COLEC11: variants seen among roughly 807,000 people sequenced by gnomAD.
The protein encoded by COLEC11 is collectin-11.
In COLEC11, 20 loss-of-function variants were observed where a neutral mutation model predicts 27.3. The observed-to-expected ratio is 0.73, with a 90% CI of 0.51 to 1.06. The LOEUF (loss-of-function observed/expected upper bound fraction) is 1.06, where lower values mean the gene tolerates loss of function less well. Among genes scored for constraint, COLEC11 ranks in the 50% least tolerant of loss-of-function variants. The probability of loss-of-function intolerance (pLI) is 0.00; values close to 1 mark genes in which losing one functional copy is unlikely to be tolerated. For synonymous variants in COLEC11, 163 were observed against 154.7 expected, an observed-to-expected ratio of 1.05 and a Z score of -0.40; for missense variants, 310 against 383.0, an observed-to-expected ratio of 0.81 and a Z score of 1.59.
chr2:3,613,168 C>T (rs1663361779), intron 2 of COLEC11, 143 bp from the exon 3 acceptor site: 6 of 836,616 alleles, frequency 7.2e-6, no homozygotes, highest in South Asian at 1.4e-5. Context: ...GGGCTGCAGG[C>T]GGGGAGGGAG....
chr2:3,618,816 A>T (rs1038851224), intron 3 of COLEC11, among the ~76,000 whole-genome samples: 1 of 152,138 alleles, frequency 6.6e-6, no homozygotes, highest in African/African-American at 2.4e-5. Flanking sequence ...CCACGAACAG[A>T]TATTTTTTCC....
intron 3 of COLEC11, among the ~76,000 whole-genome samples, chr2:3,628,032 A>C (rs962831345): frequency 6.6e-6 from 1 of 152,190 alleles, no homozygotes; most frequent in East Asian, 1.9e-4. Flanking sequence ...CAGCCTTCAC[A>C]GGGCGTTGCT....
rs565076370 is a variant in COLEC11, at chr2:3,644,016, C to T, written c.714C>T (p.Asp238=). The change falls in exon 7 of 7, where the codon GAC becomes GAT. Residue 238 remains aspartate (D), a synonymous_variant. Coordinates refer to ENST00000349077, the MANE Select transcript of COLEC11 (RefSeq NM_024027.5). ...GCGGTGAGCCCAACAATGCCTACGA[C>T]GAGGAGGACTGCGTGGAGATGGTGG... ...WRSGEPNNAY[D]EEDCVEMVAS... is the part of the protein sequence containing the mutation. 21 of 1,614,014 alleles carry T rather than the reference C, an allele frequency of 1.3e-5. No homozygotes were observed. The highest frequency in any genetic ancestry group is 8.8e-5 in the South Asian group (8 of 91,090).
intron 4 of COLEC11, among the ~76,000 whole-genome samples, chr2:3,638,167 G>T (rs1038069625): frequency 6.6e-6 from 1 of 152,228 alleles, no homozygotes; most frequent in Non-Finnish European, 1.5e-5. Context: ...GTGGTAAGGC[G>T]GGCAGATCAG....
intron 3 of COLEC11, among the ~76,000 whole-genome samples, chr2:3,614,454 C>T (rs187882358): frequency 1.4e-4 from 22 of 152,228 alleles, no homozygotes; most frequent in African/African-American, 4.8e-4. Flanking sequence ...TATGGTCATT[C>T]TCATTTTGAG....
chr2:3,636,894 A>G (rs1282422632), intron 3 of COLEC11, among the ~76,000 whole-genome samples: 1 of 152,000 alleles, frequency 6.6e-6, no homozygotes, highest in African/African-American at 2.4e-5. Flanking sequence ...AGGGTGGGGG[A>G]CACACACCAC....
In COLEC11 at chr2:3,643,432, T is replaced by A; in HGVS notation, c.329-12T>A. 1 of 1,608,928 alleles carries A rather than the reference T, an allele frequency of 6.2e-7. No individual in the cohort carries two copies. The highest frequency in any genetic ancestry group is 8.5e-7 in the Non-Finnish European group (1 of 1,175,772). Reference sequence around the variant, plus strand: ...ATCCAGCGTTTGTAACGCGTGGGCCTGGCCCCCGCAGGCCTCCCATGTGAG... The same window carrying A: ...ATCCAGCGTTTGTAACGCGTGGGCCAGGCCCCCGCAGGCCTCCCATGTGAG... On this transcript the variant is annotated splice_polypyrimidine_tract_variant and intron_variant, in intron 5 of 6. Transcript: ENST00000349077.
chr2:3,642,854 C>T (rs368784184), intron 5 of COLEC11, among the ~76,000 whole-genome samples: 168 of 152,304 alleles, frequency 1.1e-3, no homozygotes, highest in African/African-American at 4.0e-3. Flanking sequence ...GCTCTGTCCT[C>T]CCTCCCTGAG....
chr2:3,632,454 G>A (rs1046168411), intron 3 of COLEC11, among the ~76,000 whole-genome samples: 16 of 152,172 alleles, frequency 1.1e-4, no homozygotes, highest in African/African-American at 2.7e-4. Flanking sequence ...GCTGCTGTCC[G>A]GGGCTTACAG....
At chr2:3,637,131 A>G (rs115635813) in intron 3 of COLEC11, among the ~76,000 whole-genome samples, 3,837 of 152,226 alleles carry the variant, frequency 0.025, 99 homozygotes, top group African/African-American at 0.063. Context: ...CCATGCTTAC[A>G]GAGTTGTGGG....
At chr2:3,607,056 AAC>A (rs1477572269) in intron 2 of COLEC11, among the ~76,000 whole-genome samples, 1 of 152,174 alleles carries the variant, frequency 6.6e-6, no homozygotes, top group Non-Finnish European at 1.5e-5. Context: ...TGGTCTGAGA[AAC>A]ACAGCACGCG....
intron 2 of COLEC11, among the ~76,000 whole-genome samples, chr2:3,608,420 C>G (rs1483969494): frequency 2.0e-5 from 3 of 152,162 alleles, no homozygotes; most frequent in Non-Finnish European, 4.4e-5. Flanking sequence ...TTACAAAATG[C>G]ATGGAGTGTT....
rs1469267415 is a variant in COLEC11 at position 3,640,999 on chromosome 2, TGTAGACCCCACGGTGGACACCCAC to T, written c.328+669_328+692del. Among the ~76,000 whole-genome samples, 62 of 91,240 alleles carry T rather than the reference TGTAGACCCCACGGTGGACACCCAC, an allele frequency of 6.8e-4. 2 individuals carry two copies. Among genetic ancestry groups the T allele is most frequent in the African/African-American group, 2.5e-3 (55 of 22,008 alleles). 59.9% of individuals were successfully genotyped at this position (91,240 alleles called of 152,430 possible). A position where few individuals can be genotyped will look rare whatever the true frequency, so the allele number is the denominator to read the frequency against. On this transcript the variant is annotated intron_variant, in intron 5 of 6. Coordinates refer to ENST00000349077, the MANE Select transcript of COLEC11 (RefSeq NM_024027.5). Reference sequence around the variant, plus strand: ...CCCCACGGTGGACACCCACCCACCATGTAGACCCCACGGTGGACACCCACCCACCATGTAGACCCCACGGTGGAC... The same window carrying T: ...CCCCACGGTGGACACCCACCCACCATCCACCATGTAGACCCCACGGTGGAC...
chr2:3,643,452 T>C lies in COLEC11; in HGVS notation c.337T>C (p.Cys113Arg), dbSNP rs544975854. The C allele has an allele frequency of 3.7e-6, 6 of 1,613,410 alleles. No individual in the cohort carries two copies. The highest frequency in any genetic ancestry group is 4.5e-5 in the East Asian group (2 of 44,858). The stretch of plus-strand genomic sequence containing the variant: ...GGGCCTGGCCCCCGCAGGCCTCCCA[T>C]GTGAGTGCAGCCAGCTGCGCAAGGC... The part of the protein sequence containing the change: ...PGPNGEPGLP[C>R]ECSQLRKAIG... The change falls in exon 6 of 7, where the codon TGT becomes CGT. Residue 113 changes from cysteine to arginine, a missense_variant. Transcript: ENST00000349077.
rs1236720516 is a variant in COLEC11 at position 3,602,084 on chromosome 2, G to A, written c.-26-2231G>A. The A allele has an allele frequency of 6.6e-6, 1 of 152,246 alleles. No individual in the cohort carries two copies. The highest frequency in any genetic ancestry group is 1.5e-5 in the Non-Finnish European group (1 of 68,102). 9.4% of individuals were successfully genotyped at this position (152,246 alleles called of 1,614,324 possible). A position where few individuals can be genotyped will look rare whatever the true frequency, so the allele number is the denominator to read the frequency against. The stretch of plus-strand genomic sequence containing the variant: ...GACTCCATGGGGCCCTGGCTTTCGG[G>A]ATCTGTCCGGACCACCCTCCCCTGG... On this transcript the variant is annotated intron_variant, in intron 1 of 6. Transcript: ENST00000349077. This position sits in a 1 kb window ranked among gnomAD's most constrained non-coding sequence, Gnocchi z 6.2.
At chr2:3,607,246 C>T (rs1390724998) in intron 2 of COLEC11, among the ~76,000 whole-genome samples, 2 of 152,138 alleles carry the variant, frequency 1.3e-5, no homozygotes, top group East Asian at 1.9e-4. Flanking sequence ...AATATATTAT[C>T]TTTACATTTA....
intron 1 of COLEC11, among the ~76,000 whole-genome samples, chr2:3,603,034 T>C (rs1662349994): frequency 6.6e-6 from 1 of 152,360 alleles, no homozygotes; most frequent in Non-Finnish European, 1.5e-5. Flanking sequence ...CATCCACAAA[T>C]GTTTCTGAAC....
rs138062046 is a variant in COLEC11, at chr2:3,600,505, A to G, written c.-26-3810A>G. Among the ~76,000 whole-genome samples the G allele has an allele frequency of 7.9e-5, 12 of 152,342 alleles. No individual in the cohort carries two copies. In the East Asian group the frequency reaches 2.3e-3, roughly 29 times the overall value. On this transcript the variant is annotated intron_variant, in intron 1 of 6. Transcript: ENST00000349077. ...AGGAAATTGAGGCTGCAGTGAGCCA[A>G]GATGCACTACTGCACTCCAGTCCTG...
chr2:3,613,759 C>A (rs928761808), intron 3 of COLEC11, among the ~76,000 whole-genome samples: 1 of 152,146 alleles, frequency 6.6e-6, no homozygotes, highest in Admixed American at 6.5e-5. Context: ...CATCACTTTG[C>A]GTCTGTCTCC....
Sources: gnomAD v4.1 joint callset for allele counts (sites outside exome capture counted in the v4.1 genomes callset) on GRCh38, gnomAD v4.1.1 for gene constraint, Gnocchi (gnomAD v3.1) non-coding constraint, MANE v1.5 for transcripts, NCBI Gene and HGNC (gene_info 2026-07-23, HGNC 2026-07-21) for gene names.